Variants in ANKRD17 observed in about 807,000 individuals in gnomAD.
ANKRD17 encodes ankyrin repeat domain 17, also known as ankyrin repeat domain-containing protein 17.
ANKRD17 carries 19 observed loss-of-function variants against 229.7 expected under a neutral mutation model. The ratio of observed to expected loss-of-function variants is 0.08; its 90% CI spans 0.06 to 0.12. The LOEUF is 0.12. Ranked by LOEUF, ANKRD17 falls within the 10% of genes least tolerant of loss-of-function variation. ANKRD17 has a pLI of 1.00. For synonymous variants in ANKRD17, 1,112 were observed against 1,146.1 expected (o/e 0.97, Z 0.60); for missense variants, 2,176 against 3,176.8 (o/e 0.68, Z 7.57).
intron 1 of ANKRD17, among the ~76,000 whole-genome samples, chr4:73,246,153 G>A (rs1744481452): frequency 6.6e-6 from 1 of 152,190 alleles, no homozygotes; most frequent in East Asian, 1.9e-4. Flanking sequence ...TCCTCTCATA[G>A]AGGAAAATCA....
intron 11 of ANKRD17, 108 bp from the exon 12 acceptor site, chr4:73,142,875 A>G: frequency 8.2e-7 from 1 of 1,219,048 alleles, no homozygotes; most frequent in African/African-American, 1.5e-5. Flanking sequence ...ATGAGGCTCC[A>G]CATACCCATT....
At chr4:73,112,758 A>T in intron 24 of ANKRD17, 1 of 782,996 alleles carries the variant, frequency 1.3e-6, no homozygotes, top group Non-Finnish European at 1.5e-6. Context: ...AGTAGATGTT[A>T]AATTTTATAG....
chr4:73,154,093 C>A lies in ANKRD17; in HGVS notation c.1021G>T (p.Ala341Ser). Residue 341 changes from alanine to serine, a missense_variant, in exon 6 of 34, where the codon GCT (alanine) becomes TCT (serine). Ala to Ser is a moderately conservative substitution (Grantham distance 99, BLOSUM62 1). Around this residue, in one of 18 missense-constraint regions of ANKRD17, gnomAD observed 184 missense variants for 357.8 expected, o/e 0.51. Transcript: ENST00000358602. Reference protein sequence around the residue: ...SSTGNTALTYACAGGYVDVVK... With the variant: ...SSTGNTALTYSCAGGYVDVVK... ...ACATCTACATAGCCTCCAGCACAAG[C>A]ATATGTAAGTGCTGTATTGCCTATT... 6.2e-7 allele frequency: 1 copy of A among 1,601,248 alleles called. No homozygotes were observed. Among genetic ancestry groups the A allele is most frequent in the African/African-American group, 1.3e-5 (1 of 74,644 alleles).
intron 5 of ANKRD17, among the ~76,000 whole-genome samples, chr4:73,155,345 G>A (rs749338221): frequency 6.6e-6 from 1 of 152,036 alleles, no homozygotes; most frequent in Non-Finnish European, 1.5e-5. Flanking sequence ...TGAGCACTAC[G>A]GCCCACACCT....
At chr4:73,254,430 C>T (rs1745280397) in intron 1 of ANKRD17, among the ~76,000 whole-genome samples, 2 of 152,140 alleles carry the variant, frequency 1.3e-5, no homozygotes, top group South Asian at 4.1e-4. Context: ...CTTTAAGCAT[C>T]TTCAACAAAA....
At chr4:73,192,475 T>C (rs957200179) in intron 1 of ANKRD17, among the ~76,000 whole-genome samples, 1 of 152,054 alleles carries the variant, frequency 6.6e-6, no homozygotes, top group Non-Finnish European at 1.5e-5. Context: ...ACCCAAGTTA[T>C]TAACAGTGGT....
In ANKRD17 at chr4:73,118,148, C is replaced by G. The variant is rs543958476; in HGVS notation, c.4188+540G>C. Among the ~76,000 whole-genome samples, 81 of 152,196 alleles carry G rather than the reference C, an allele frequency of 5.3e-4. 3 individuals are homozygous for G. The South Asian group carries it at 0.016, about 31-fold the overall frequency. On this transcript the variant is annotated intron_variant, in intron 22 of 33. Transcript: ENST00000358602. ...CCTCCTATCTCAGCCTCCTGAGTAGCTGGGACTATTAGCACATGTCACCAC... is the reference window on the plus strand; with the variant it reads ...CCTCCTATCTCAGCCTCCTGAGTAGGTGGGACTATTAGCACATGTCACCAC...
intron 1 of ANKRD17, among the ~76,000 whole-genome samples, chr4:73,237,157 A>G (rs1743582162): frequency 6.6e-6 from 1 of 152,190 alleles, no homozygotes; most frequent in South Asian, 2.1e-4. Context: ...AGACCTTCGT[A>G]TTTGATTAAG....
At chr4:73,223,057 C>A in intron 1 of ANKRD17, 1 of 1,535,658 alleles carries the variant, frequency 6.5e-7, no homozygotes, top group Non-Finnish European at 8.7e-7. Context: ...TTTCTTACTG[C>A]ACTATGATTA....
At chr4:73,203,186 TGTTTA>T (rs1002440352) in intron 1 of ANKRD17, among the ~76,000 whole-genome samples, 1 of 152,218 alleles carries the variant, frequency 6.6e-6, no homozygotes, top group African/African-American at 2.4e-5. Flanking sequence ...TTTCTATGTT[TGTTTA>T]GTTTACAGCT....
chr4:73,258,469 G>T lies in ANKRD17; in HGVS notation c.200C>A (p.Pro67Gln). 6.3e-7 allele frequency: 1 copy of T among 1,599,510 alleles called. No individual in the cohort carries two copies. The part of the protein sequence containing the change: ...VCDLLLKKKP[P>Q]QQQHHKAKRN... ...CTTGGCCTTGTGGTGCTGCTGCTGC[G>T]GCGGCTTCTTCTTCAGGAGCAGGTC... is the stretch of plus-strand genomic sequence containing the variant. The change falls in exon 1 of 34, where the codon CCG becomes CAG. Residue 67 changes from proline to glutamine, a missense_variant. This residue lies in a region of ANKRD17 where 196 missense variants were observed against 190.0 expected (regional missense o/e 1.03). Coordinates refer to ENST00000358602, the MANE Select transcript of ANKRD17 (RefSeq NM_032217.5).
chr4:73,163,878 G>T (rs1342404886), intron 2 of ANKRD17, among the ~76,000 whole-genome samples: 1 of 151,826 alleles, frequency 6.6e-6, no homozygotes, highest in Non-Finnish European at 1.5e-5. Flanking sequence ...AACTAACATA[G>T]CAAATGTTAT....
At chr4:73,157,830 C>T (rs1268670673) in intron 3 of ANKRD17, among the ~76,000 whole-genome samples, 3 of 152,164 alleles carry the variant, frequency 2.0e-5, no homozygotes, top group Non-Finnish European at 4.4e-5. Flanking sequence ...TGGCTCACGC[C>T]TGTAATCCCA....
intron 1 of ANKRD17, among the ~76,000 whole-genome samples, chr4:73,215,904 A>T: frequency 6.6e-6 from 1 of 152,182 alleles, no homozygotes; most frequent in East Asian, 1.9e-4. Context: ...AATAGACTGA[A>T]TATGACAGCA....
intron 1 of ANKRD17, among the ~76,000 whole-genome samples, chr4:73,250,589 C>CAAAAAAAAAAAAAACAAAA (rs1744910008): frequency 3.4e-5 from 1 of 29,388 alleles, no homozygotes; most frequent in Non-Finnish European, 5.5e-5. Context: ...GACCTTGTCT[C>CAAAAAAAAAAAAAACAAAA]AAAAAAAAAA....
chr4:73,252,550 C>T (rs1285321399), intron 1 of ANKRD17, among the ~76,000 whole-genome samples: 1 of 152,146 alleles, frequency 6.6e-6, no homozygotes, highest in Admixed American at 6.5e-5. Context: ...AAATCCTGCA[C>T]ATATGGGGCT....
intron 16 of ANKRD17, among the ~76,000 whole-genome samples, chr4:73,133,982 T>C (rs1578149088): frequency 6.6e-6 from 1 of 152,234 alleles, no homozygotes; most frequent in South Asian, 2.1e-4. Flanking sequence ...ATATTAAGAG[T>C]AGCTACATCA....
chr4:73,113,323 A>C (rs985352523), intron 24 of ANKRD17: 1 of 1,289,254 alleles, frequency 7.8e-7, no homozygotes, highest in African/African-American at 1.5e-5. Flanking sequence ...TGAAAGAGAA[A>C]AGTACAAGAG....
intron 7 of ANKRD17, among the ~76,000 whole-genome samples, chr4:73,149,985 AT>A (rs1479977797): frequency 6.6e-6 from 1 of 151,930 alleles, no homozygotes. Context: ...TCCTTCAGTA[AT>A]TTTTTTCCAT....
Sources: gnomAD v4.1 joint callset for allele counts (sites outside exome capture counted in the v4.1 genomes callset) on GRCh38, gnomAD v4.1.1 for gene constraint, gnomAD v4.1.1 regional missense constraint, MANE v1.5 for transcripts, NCBI Gene and HGNC (gene_info 2026-07-23, HGNC 2026-07-21) for gene names.